The following TRAPPC9 variants were observed in gnomAD, a reference collection of about 807,000 sequenced individuals.
TRAPPC9 encodes trafficking protein particle complex subunit 9.
TRAPPC9 carries 83 observed loss-of-function variants against 124.0 expected under a neutral mutation model. That is an observed-to-expected ratio of 0.67 (90% CI 0.56 to 0.80). TRAPPC9 has a LOEUF of 0.80. TRAPPC9 is among the 30% of genes least tolerant of loss of function. The pLI, the probability that TRAPPC9 is intolerant of heterozygous loss-of-function variation, is 0.00. For synonymous variants in TRAPPC9, 638 were observed against 617.5 expected (o/e 1.03, Z -0.49); for missense variants, 1,302 against 1,508.3 (o/e 0.86, Z 2.27).
At chr8:139,979,832 G>T (rs1263735331) in intron 19 of TRAPPC9, among the ~76,000 whole-genome samples, 2 of 152,132 alleles carry the variant, frequency 1.3e-5, no homozygotes, top group Non-Finnish European at 2.9e-5. Context: ...GGCCTAAAGC[G>T]GGGCTTGAGG....
intron 11 of TRAPPC9, among the ~76,000 whole-genome samples, chr8:140,297,576 A>C (rs2065845581): frequency 6.6e-6 from 1 of 152,216 alleles, no homozygotes; most frequent in African/African-American, 2.4e-5. Flanking sequence ...TCTCATTCTA[A>C]CAGTGAACAG....
chr8:140,429,264 G>A (rs1287669302), intron 4 of TRAPPC9, among the ~76,000 whole-genome samples: 1 of 151,896 alleles, frequency 6.6e-6, no homozygotes, highest in Non-Finnish European at 1.5e-5. Flanking sequence ...TGTTGTTGTT[G>A]TATTTTCAGT....
chr8:139,861,342 A>G (rs1320852654), intron 21 of TRAPPC9, among the ~76,000 whole-genome samples: 2 of 151,980 alleles, frequency 1.3e-5, no homozygotes, highest in Non-Finnish European at 2.9e-5. Context: ...CTTTAAAGAG[A>G]GCCGGGGTAT....
intron 21 of TRAPPC9, among the ~76,000 whole-genome samples, chr8:139,827,427 C>T (rs1420366693): frequency 6.6e-6 from 1 of 152,178 alleles, no homozygotes; most frequent in Non-Finnish European, 1.5e-5. Context: ...CTGAAGACAC[C>T]ACGGCAAGCT....
chr8:139,767,592 T>A (rs1820667130), intron 21 of TRAPPC9, among the ~76,000 whole-genome samples: 1 of 152,078 alleles, frequency 6.6e-6, no homozygotes, highest in South Asian at 2.1e-4. Flanking sequence ...AGGGAACAGA[T>A]GAACCAAGGT....
chr8:140,227,867 T>C (rs1181985898), intron 16 of TRAPPC9, among the ~76,000 whole-genome samples: 1 of 152,220 alleles, frequency 6.6e-6, no homozygotes, highest in African/African-American at 2.4e-5. Context: ...TTGCTCAATA[T>C]CACACAGCTC....
At chr8:140,363,744 C>T (rs781286663) in intron 8 of TRAPPC9, among the ~76,000 whole-genome samples, 7 of 151,898 alleles carry the variant, frequency 4.6e-5, no homozygotes, top group Non-Finnish European at 1.0e-4. Flanking sequence ...ATTACAGGCA[C>T]GTACCACCAT....
intron 16 of TRAPPC9, among the ~76,000 whole-genome samples, chr8:140,229,497 C>T (rs1004461796): frequency 2.0e-5 from 3 of 151,768 alleles, no homozygotes; most frequent in East Asian, 1.9e-4. Context: ...AACTCCTGAC[C>T]GACCTCGTGA....
chr8:139,895,237 A>G (rs1348449187), intron 20 of TRAPPC9, among the ~76,000 whole-genome samples: 1 of 152,240 alleles, frequency 6.6e-6, no homozygotes, highest in Non-Finnish European at 1.5e-5. Context: ...GGCGGGGGGC[A>G]CACAGGCATG....
chr8:140,429,885 G>A (rs1464542057), intron 4 of TRAPPC9, among the ~76,000 whole-genome samples: 6 of 150,560 alleles, frequency 4.0e-5, no homozygotes, highest in African/African-American at 9.8e-5. Flanking sequence ...GGTGGCTCAC[G>A]CCTGTAATTC....
chr8:140,081,346 C>CATTT (rs35254769), intron 17 of TRAPPC9, among the ~76,000 whole-genome samples: 44,122 of 140,802 alleles, frequency 0.31, 8,879 homozygotes, highest in Middle Eastern at 0.49. Context: ...AAAATGAATG[C>CATTT]TTTTTTTTTT....
At chr8:139,893,020 G>A (rs1200863206) in intron 20 of TRAPPC9, among the ~76,000 whole-genome samples, 1 of 152,234 alleles carries the variant, frequency 6.6e-6, no homozygotes, top group Non-Finnish European at 1.5e-5. Context: ...TGAAAAGATA[G>A]AGGGGAAGGC....
At chr8:139,855,617 C>G (rs1303519853) in intron 21 of TRAPPC9, among the ~76,000 whole-genome samples, 2 of 152,238 alleles carry the variant, frequency 1.3e-5, no homozygotes, top group Admixed American at 6.5e-5. Flanking sequence ...CCCCTGTTTA[C>G]GCTCTTCAGG....
intron 13 of TRAPPC9, among the ~76,000 whole-genome samples, chr8:140,286,403 C>T (rs547484559): frequency 2.4e-4 from 36 of 152,234 alleles, no homozygotes; most frequent in South Asian, 1.2e-3. Flanking sequence ...CTAGGAAGAT[C>T]GCCGGGCCAC....
chr8:140,375,621 A>C (rs1218028731), intron 7 of TRAPPC9, among the ~76,000 whole-genome samples: 1 of 152,242 alleles, frequency 6.6e-6, no homozygotes, highest in African/African-American at 2.4e-5. Context: ...CGATTGTCAA[A>C]AAGACTCAAT....
chr8:139,796,707 C>G (rs889201511), intron 21 of TRAPPC9, among the ~76,000 whole-genome samples: 1 of 152,200 alleles, frequency 6.6e-6, no homozygotes, highest in African/African-American at 2.4e-5. Flanking sequence ...AACAACGGTG[C>G]TATGAAGGTT....
rs1306118917 is a variant in TRAPPC9, at chr8:139,962,714, G to A, written c.2810+26012C>T. Among the ~76,000 whole-genome samples the A allele has an allele frequency of 2.4e-5, 3 of 124,268 alleles. 1 individual carries two copies. The highest frequency in any genetic ancestry group is 3.8e-5 in the Non-Finnish European group (2 of 52,146). 81.5% of individuals were successfully genotyped at this position (124,268 alleles called of 152,430 possible). The stretch of plus-strand genomic sequence containing the variant: ...GGACTTTCACAGCAGGACCCAAAGA[G>A]CTTCTGCAAGAACCCACCAGAGCTC... On this transcript the variant is annotated intron_variant, in intron 19 of 22. Coordinates refer to ENST00000438773, the MANE Select transcript of TRAPPC9 (RefSeq NM_001160372.4).
chr8:140,159,345 T>A (rs990885389), intron 17 of TRAPPC9, among the ~76,000 whole-genome samples: 14 of 152,224 alleles, frequency 9.2e-5, no homozygotes, highest in East Asian at 3.8e-4. Flanking sequence ...ACACTGAGAA[T>A]AGTGCCTTGC....
intron 17 of TRAPPC9, among the ~76,000 whole-genome samples, chr8:140,185,870 G>A (rs1563828147): frequency 6.6e-6 from 1 of 152,210 alleles, no homozygotes; most frequent in Non-Finnish European, 1.5e-5. Flanking sequence ...AGGAACTACA[G>A]GCTCAGGGTG....
Sources: gnomAD v4.1 joint callset for allele counts (sites outside exome capture counted in the v4.1 genomes callset) on GRCh38, gnomAD v4.1.1 for gene constraint, MANE v1.5 for transcripts, NCBI Gene and HGNC (gene_info 2026-07-23, HGNC 2026-07-21) for gene names.